Variants in SMARCA2 observed in about 807,000 individuals in gnomAD.
The protein encoded by SMARCA2 is SWI/SNF related BAF chromatin remodeling complex subunit ATPase 2.
SMARCA2 carries 61 observed loss-of-function variants against 199.8 expected under a neutral mutation model. The observed-to-expected ratio is 0.31, with a 90% confidence interval of 0.25 to 0.38. SMARCA2 has a LOEUF of 0.38. Among genes scored for constraint, SMARCA2 ranks in the 10% least tolerant of loss-of-function variants. The probability of loss-of-function intolerance (pLI) is 1.00; values close to 1 mark genes in which losing one functional copy is unlikely to be tolerated. For synonymous variants in SMARCA2, 935 were observed against 732.0 expected, an observed-to-expected ratio of 1.28 and a Z score of -4.48; for missense variants, 1,344 against 2,012.2, an observed-to-expected ratio of 0.67 and a Z score of 6.35.
chr9:2,088,843 C>G (rs1040750395), intron 19 of SMARCA2, among the ~76,000 whole-genome samples: 1 of 149,340 alleles, frequency 6.7e-6, no homozygotes, highest in African/African-American at 2.5e-5. Flanking sequence ...ATGAAATTAT[C>G]AAATTCACTG....
intron 29 of SMARCA2, among the ~76,000 whole-genome samples, chr9:2,177,416 C>G (rs1010265388): frequency 1.3e-5 from 2 of 152,010 alleles, no homozygotes; most frequent in Admixed American, 1.3e-4. Flanking sequence ...TCAGCACTAT[C>G]TATTAGCTAT....
Position 2,036,066 on chromosome 9 carries a change from G to A in SMARCA2, c.355+2985G>A, listed in dbSNP as rs2130225921. Among the ~76,000 whole-genome samples the A allele has an allele frequency of 2.0e-5, 3 of 152,206 alleles. No homozygotes were observed. The South Asian group carries it at 6.2e-4, about 32-fold the overall frequency. ...TTTAGGGTATTGGTCAAGAAGGAAA[G>A]CCATTTCCTTCAATAAATACTGAAT... On this transcript the variant is annotated intron_variant, in intron 3 of 33. Transcript: ENST00000349721.
intron 18 of SMARCA2, 36 bp downstream of exon 18, chr9:2,087,107 T>C (rs1464000369): frequency 6.2e-7 from 1 of 1,611,838 alleles, no homozygotes; most frequent in Admixed American, 1.7e-5. Context: ...CACTGCATGA[T>C]AATGACATGA....
At chr9:2,093,414 C>T (rs531589195) in intron 19 of SMARCA2, among the ~76,000 whole-genome samples, 12 of 152,180 alleles carry the variant, frequency 7.9e-5, no homozygotes, top group African/African-American at 1.4e-4. Context: ...TGTCTGAAAG[C>T]GAGTCATGTG....
intron 9 of SMARCA2, among the ~76,000 whole-genome samples, chr9:2,062,477 T>C (rs1024768561): frequency 7.9e-5 from 12 of 152,348 alleles, no homozygotes; most frequent in Admixed American, 5.9e-4. Flanking sequence ...TGGTGTTAGA[T>C]AGTTGCATCG....
intron 27 of SMARCA2, among the ~76,000 whole-genome samples, chr9:2,126,110 G>A (rs146130628): frequency 6.6e-6 from 1 of 152,304 alleles, no homozygotes; most frequent in African/African-American, 2.4e-5. Context: ...GCAGTGTTAG[G>A]AGAGCATTTC....
intron 32 of SMARCA2, among the ~76,000 whole-genome samples, chr9:2,189,988 G>A (rs1224598242): frequency 6.6e-6 from 1 of 152,152 alleles, no homozygotes; most frequent in African/African-American, 2.4e-5. Context: ...CACCAAACAT[G>A]GTAGTCTAGC....
chr9:2,056,803 G>C lies in SMARCA2; in HGVS notation c.1305G>C (p.Gln435His). ...GCATGACCGAGAAGCTGGAGAAGCA[G>C]CAGAAGATTGAGCAGGAGAGGAAAC... Reference protein sequence around the residue: ...EARMTEKLEKQQKIEQERKRR... With the variant: ...EARMTEKLEKHQKIEQERKRR... Residue 435 changes from glutamine to histidine, a missense_variant, in exon 7 of 34, where the codon CAG (glutamine) becomes CAC (histidine). Transcript: ENST00000349721. The surrounding 1 kb of genome is among the most constrained non-coding windows in gnomAD (Gnocchi z 4.0). 1 of 1,614,196 alleles carries C rather than the reference G, an allele frequency of 6.2e-7. No individual in the cohort carries two copies. The highest frequency in any genetic ancestry group is 1.1e-5 in the South Asian group (1 of 91,076).
At chr9:2,167,627 G>A (rs1826000961) in intron 28 of SMARCA2, among the ~76,000 whole-genome samples, 2 of 152,220 alleles carry the variant, frequency 1.3e-5, no homozygotes, top group African/African-American at 2.4e-5. Flanking sequence ...TCCCCTAGCT[G>A]GGAATGTGTT....
intron 4 of SMARCA2, among the ~76,000 whole-genome samples, chr9:2,046,348 T>C (rs536347100): frequency 4.6e-5 from 7 of 152,320 alleles, no homozygotes; most frequent in African/African-American, 1.4e-4. Flanking sequence ...TCAATGCACT[T>C]TGACAAGCTT....
Position 2,025,770 on chromosome 9 carries a change from T to A in SMARCA2, c.-36-3217T>A, listed in dbSNP as rs560948234. 2.0e-5 allele frequency among the ~76,000 whole-genome samples: 3 copies of A among 152,338 alleles called. No individual in the cohort carries two copies. In the South Asian group the frequency reaches 6.2e-4, roughly 32 times the overall value. On this transcript the variant is annotated intron_variant, in intron 1 of 33. Coordinates refer to ENST00000349721, the MANE Select transcript of SMARCA2 (RefSeq NM_003070.5). Reference sequence around the variant, plus strand: ...GGTTTCTTCATACTGTGGGAAAGTTTAATTACATACTTGAACTGTAAAATA... The same window carrying A: ...GGTTTCTTCATACTGTGGGAAAGTTAAATTACATACTTGAACTGTAAAATA...
intron 10 of SMARCA2, among the ~76,000 whole-genome samples, chr9:2,071,478 T>C (rs1180501230): frequency 6.6e-6 from 1 of 152,204 alleles, no homozygotes; most frequent in Non-Finnish European, 1.5e-5. Context: ...TGGTCTATAA[T>C]TAACAAGCAC....
chr9:2,111,446 C>T (rs890329058), intron 24 of SMARCA2, among the ~76,000 whole-genome samples: 1 of 147,026 alleles, frequency 6.8e-6, no homozygotes, highest in Non-Finnish European at 1.5e-5. Context: ...GAGCCATGAT[C>T]GTACCACCGC....
intron 13 of SMARCA2, among the ~76,000 whole-genome samples, chr9:2,076,750 C>T (rs1212894741): frequency 6.6e-6 from 1 of 151,954 alleles, no homozygotes; most frequent in African/African-American, 2.4e-5. Flanking sequence ...TGAGAGACAC[C>T]ATTCCTGTCT....
chr9:2,147,689 T>C (rs1313512823), intron 27 of SMARCA2, among the ~76,000 whole-genome samples: 5 of 151,500 alleles, frequency 3.3e-5, no homozygotes, highest in Non-Finnish European at 5.9e-5. Context: ...CTACTAAAAA[T>C]ACGAAAATTA....
chr9:2,094,501 C>G (rs1185536727), intron 19 of SMARCA2, among the ~76,000 whole-genome samples: 1 of 152,204 alleles, frequency 6.6e-6, no homozygotes, highest in Non-Finnish European at 1.5e-5. Flanking sequence ...TCAGCCATGC[C>G]TTCCACATTC....
rs578033129 is a variant in SMARCA2, at chr9:2,082,207, T to G, written c.2348+212T>G. 6.8e-4 allele frequency among the ~76,000 whole-genome samples: 104 copies of G among 151,962 alleles called. 1 individual carries two copies. Among genetic ancestry groups the G allele is most frequent in the African/African-American group, 2.2e-3 (93 of 41,426 alleles). On this transcript the variant is annotated intron_variant, in intron 15 of 33. Transcript: ENST00000349721. Reference sequence around the variant, plus strand: ...TTGGCTATTTAAGCACGGGACCGAGTGATTTTATCGGCCATCAGCATTACA... The same window carrying G: ...TTGGCTATTTAAGCACGGGACCGAGGGATTTTATCGGCCATCAGCATTACA...
intron 31 of SMARCA2, among the ~76,000 whole-genome samples, chr9:2,182,770 C>T (rs1040734910): frequency 1.3e-5 from 2 of 149,228 alleles, no homozygotes; most frequent in African/African-American, 5.0e-5. Flanking sequence ...GTTGGGATTA[C>T]AGGCATGAGC....
chr9:2,067,537 C>G (rs1161076312), intron 9 of SMARCA2, among the ~76,000 whole-genome samples: 2 of 152,220 alleles, frequency 1.3e-5, no homozygotes, highest in South Asian at 4.1e-4. Flanking sequence ...ACTTGTGACA[C>G]TGGATTGTAC....
Sources: allele counts gnomAD v4.1 joint callset (sites outside exome capture counted in the v4.1 genomes callset), GRCh38; gene constraint gnomAD v4.1.1; non-coding constraint Gnocchi (gnomAD v3.1); transcripts MANE v1.5; gene names NCBI Gene and HGNC (gene_info 2026-07-23, HGNC 2026-07-21).